The following RASGRF2 variants were observed in gnomAD, a reference collection of about 807,000 sequenced individuals.
RASGRF2 encodes the protein ras-specific guanine nucleotide-releasing factor 2.
Under a neutral mutation model 151.0 loss-of-function variants are expected in RASGRF2, and 76 were observed. The ratio of observed to expected loss-of-function variants is 0.50; its 90% CI spans 0.42 to 0.61. The LOEUF (loss-of-function observed/expected upper bound fraction) is 0.61. RASGRF2 is among the 20% of genes least tolerant of loss of function. The pLI is 0.00. For missense variants in RASGRF2, 1,148 were observed against 1,564.6 expected, an observed-to-expected ratio of 0.73 and a Z score of 4.49; for synonymous variants, 504 against 566.5, an observed-to-expected ratio of 0.89 and a Z score of 1.57.
chr5:81,113,385 G>A lies in RASGRF2; in HGVS notation c.2088-153G>A, dbSNP rs952025809. On this transcript the variant is annotated intron_variant, in intron 14 of 26. Transcript: ENST00000265080. ...GTCTGTGCTTCTTTGGCAGGTGGAGGGTATACATGTAGCATTTAGATTAAC... is the reference window on the plus strand; with the variant it reads ...GTCTGTGCTTCTTTGGCAGGTGGAGAGTATACATGTAGCATTTAGATTAAC... The A allele has an allele frequency of 4.6e-6, 4 of 862,016 alleles. No homozygotes were observed. In the South Asian group the frequency reaches 5.3e-5, roughly 11 times the overall value. The allele number at this position is 862,016 out of a possible 1,614,324, so 53.4% of individuals were successfully genotyped here. A position where few individuals can be genotyped will look rare whatever the true frequency, so the allele number is the denominator to read the frequency against.
intron 2 of RASGRF2, among the ~76,000 whole-genome samples, chr5:81,047,189 A>T (rs186565368): frequency 7.6e-4 from 115 of 152,272 alleles, no homozygotes; most frequent in African/African-American, 2.5e-3. Flanking sequence ...TTCTGCTGGA[A>T]ATTGGAAGAG....
intron 18 of RASGRF2, among the ~76,000 whole-genome samples, chr5:81,189,384 G>A (rs1021367567): frequency 6.6e-6 from 1 of 152,222 alleles, no homozygotes; most frequent in Non-Finnish European, 1.5e-5. Context: ...TGGTCTCAAT[G>A]TGAAATGCTA....
At chr5:81,217,577 T>TCC in intron 25 of RASGRF2, 104 bp downstream of exon 25, 4 of 605,812 alleles carry the variant, frequency 6.6e-6, no homozygotes, top group South Asian at 4.0e-5. Flanking sequence ...TTCTCTTCTT[T>TCC]TTTTTTTTTT....
At position 81,208,293 on chromosome 5, in the gene RASGRF2, G is replaced by GAT. The variant is rs1755554299; in HGVS notation, c.3072-60_3072-59dup. The GAT allele has an allele frequency of 9.2e-6, 13 of 1,418,282 alleles. No homozygotes were observed. In the South Asian group the frequency reaches 1.5e-4, roughly 17 times the overall value. The allele number at this position is 1,418,282 out of a possible 1,614,324, so 87.9% of individuals were successfully genotyped here. A position where few individuals can be genotyped will look rare whatever the true frequency, so the allele number is the denominator to read the frequency against. On this transcript the variant is annotated intron_variant, in intron 21 of 26. Coordinates refer to ENST00000265080, the MANE Select transcript of RASGRF2 (RefSeq NM_006909.3). ...TCTAATATTCGTGACAACTGTCCAG[G>GAT]ATCATAGCCACCATATTTTTAAAAA...
chr5:81,199,837 G>A (rs1755345890), intron 18 of RASGRF2, among the ~76,000 whole-genome samples: 1 of 145,954 alleles, frequency 6.9e-6, no homozygotes, highest in African/African-American at 2.6e-5. Context: ...AGCGGAGGTT[G>A]CAGTGAGCCG....
At chr5:81,215,421 C>T (rs1296446108) in intron 23 of RASGRF2, among the ~76,000 whole-genome samples, 1 of 151,964 alleles carries the variant, frequency 6.6e-6, no homozygotes, top group Non-Finnish European at 1.5e-5. Context: ...CAGGCATATG[C>T]CACCATACCC....
rs546213545 is a variant in RASGRF2 at position 81,055,479 on chromosome 5, C to G, written c.395+12496C>G. On this transcript the variant is annotated intron_variant, in intron 2 of 26. Transcript: ENST00000265080. ...AGCCTTGCATCCCAGGGATGAAGCC[C>G]ACTTGATCATGGTGGATAAGCTTTT... Among the ~76,000 whole-genome samples, 586 of 152,152 alleles carry G rather than the reference C, an allele frequency of 3.9e-3. 5 individuals carry two copies. Among genetic ancestry groups the G allele is most frequent in the African/African-American group, 0.014 (570 of 41,496 alleles).
intron 7 of RASGRF2, among the ~76,000 whole-genome samples, chr5:81,083,056 T>C (rs1752129459): frequency 6.6e-6 from 1 of 152,218 alleles, no homozygotes; most frequent in Admixed American, 6.5e-5. Context: ...TTCTAGAAGC[T>C]GAAGCTGAGA....
intron 18 of RASGRF2, among the ~76,000 whole-genome samples, chr5:81,182,191 A>G (rs1047056872): frequency 2.2e-4 from 34 of 152,294 alleles, no homozygotes; most frequent in African/African-American, 7.9e-4. Context: ...CAGCAGGGGC[A>G]TAGGTGAGTG....
intron 1 of RASGRF2, among the ~76,000 whole-genome samples, chr5:80,969,462 T>C (rs1747838297): frequency 6.8e-6 from 1 of 147,144 alleles, no homozygotes; most frequent in Non-Finnish European, 1.5e-5. Flanking sequence ...TTCTTTTTTT[T>C]TTTTGAGACA....
In RASGRF2 at chr5:81,080,184, G is replaced by A; in HGVS notation, c.951G>A (p.Trp317Ter). The A allele has an allele frequency of 6.3e-7, 1 of 1,597,790 alleles. No individual in the cohort carries two copies. Among genetic ancestry groups the A allele is most frequent in the Non-Finnish European group, 8.5e-7 (1 of 1,176,522 alleles). The change falls in exon 6 of 27, where the codon TGG (tryptophan) becomes TGA (stop). Residue 317 changes from tryptophan to a stop codon, truncating the protein, a stop_gained. Coordinates refer to ENST00000265080, the MANE Select transcript of RASGRF2 (RefSeq NM_006909.3). LOFTEE classifies it high-confidence loss of function. ...HQGLKARIAN[W>*]PTLILADLFD... The stretch of plus-strand genomic sequence containing the variant: ...GACTAAAGGCAAGGATAGCAAACTG[G>A]CCCACTTTAATTTTAGGTAAGTGCA...
At chr5:81,078,312 A>G (rs2112473582) in intron 5 of RASGRF2, among the ~76,000 whole-genome samples, 1 of 152,290 alleles carries the variant, frequency 6.6e-6, no homozygotes. Flanking sequence ...TAGCTGCCCT[A>G]TTGTGCTATC....
At chr5:81,049,403 G>A (rs372304996) in intron 2 of RASGRF2, among the ~76,000 whole-genome samples, 2 of 152,056 alleles carry the variant, frequency 1.3e-5, no homozygotes, top group South Asian at 4.1e-4. Context: ...CTAATTTGGA[G>A]GGTTTCTTTT....
chr5:81,143,121 T>G (rs1753922439), intron 17 of RASGRF2, among the ~76,000 whole-genome samples: 1 of 152,194 alleles, frequency 6.6e-6, no homozygotes, highest in African/African-American at 2.4e-5. Flanking sequence ...GACTTCTGAT[T>G]CTTTGAAGAA....
chr5:80,995,681 CCTT>C (rs1748822464), intron 1 of RASGRF2, among the ~76,000 whole-genome samples: 1 of 53,376 alleles, frequency 1.9e-5, no homozygotes, highest in South Asian at 9.3e-4. Flanking sequence ...TCTTTCCTTT[CCTT>C]CCCCCCCCCT....
intron 17 of RASGRF2, among the ~76,000 whole-genome samples, chr5:81,176,067 G>A (rs1754767871): frequency 1.3e-5 from 2 of 152,150 alleles, no homozygotes; most frequent in Admixed American, 1.3e-4. Flanking sequence ...AGCTGATCGT[G>A]CATTCTTGCT....
intron 17 of RASGRF2, among the ~76,000 whole-genome samples, chr5:81,177,662 A>G (rs1171213485): frequency 6.6e-6 from 1 of 151,524 alleles, no homozygotes; most frequent in African/African-American, 2.4e-5. Flanking sequence ...AATCACATCA[A>G]TAAGTGTACA....
At chr5:81,215,827 T>C in intron 23 of RASGRF2, 49 bp from the exon 24 acceptor site, 1 of 1,466,948 alleles carries the variant, frequency 6.8e-7, no homozygotes. Context: ...TCACTGTCTT[T>C]TTAAACCATA....
rs1366084013 is a variant in RASGRF2 at position 81,054,794 on chromosome 5, T to G, written c.395+11811T>G. ...TCTTCCATTTGTTTGTGTCCTCTTT[T>G]ATTTCGTTGAGCAGTGGTTTGTAGT... On this transcript the variant is annotated intron_variant, in intron 2 of 26. Coordinates refer to ENST00000265080, the MANE Select transcript of RASGRF2 (RefSeq NM_006909.3). 4.2e-5 allele frequency among the ~76,000 whole-genome samples: 6 copies of G among 143,906 alleles called. No homozygotes were observed. In the East Asian group the frequency reaches 1.2e-3, roughly 29 times the overall value. The allele number at this position is 143,906 out of a possible 152,430, so 94.4% of individuals were successfully genotyped here.
Sources: allele counts gnomAD v4.1 joint callset (sites outside exome capture counted in the v4.1 genomes callset), GRCh38; gene constraint gnomAD v4.1.1; transcripts MANE v1.5; gene names NCBI Gene and HGNC (gene_info 2026-07-23, HGNC 2026-07-21).